GLRB: variants seen among roughly 807,000 people sequenced by gnomAD.
GLRB encodes the protein glycine receptor subunit beta.
A neutral mutation model predicts 54.2 loss-of-function variants in GLRB; 33 were observed. That is an observed-to-expected ratio of 0.61 (90% CI 0.46 to 0.81). The LOEUF is 0.81. GLRB is among the 40% of genes least tolerant of loss of function. The pLI, the probability that GLRB is intolerant of heterozygous loss-of-function variation, is 0.00. For synonymous variants in GLRB, 209 were observed against 208.2 expected (o/e 1.00, Z -0.03); for missense variants, 572 against 584.6 (o/e 0.98, Z 0.22).
chr4:157,130,135 T>C (rs1579223265), intron 4 of GLRB, among the ~76,000 whole-genome samples: 1 of 151,710 alleles, frequency 6.6e-6, no homozygotes, highest in Non-Finnish European at 1.5e-5. Context: ...ATGATTATTA[T>C]CCCTATCTTA....
At chr4:157,130,702 T>C (rs1191482738) in intron 4 of GLRB, among the ~76,000 whole-genome samples, 1 of 151,724 alleles carries the variant, frequency 6.6e-6, no homozygotes, top group Admixed American at 6.6e-5. Context: ...AATGTTGCTA[T>C]GAACATGGGT....
At chr4:157,129,439 A>G (rs1001743339) in intron 4 of GLRB, among the ~76,000 whole-genome samples, 1 of 151,808 alleles carries the variant, frequency 6.6e-6, no homozygotes, top group Non-Finnish European at 1.5e-5. Flanking sequence ...TAACCAAAAC[A>G]TGTAACTAAT....
chr4:157,144,925 AC>A (rs1416152545), intron 8 of GLRB, among the ~76,000 whole-genome samples: 3 of 152,194 alleles, frequency 2.0e-5, no homozygotes, highest in African/African-American at 7.2e-5. Flanking sequence ...TTGAAATCAC[AC>A]AGACCAAATT....
chr4:157,146,133 C>T (rs933067593), intron 8 of GLRB, among the ~76,000 whole-genome samples: 7 of 151,872 alleles, frequency 4.6e-5, no homozygotes, highest in African/African-American at 1.7e-4. Context: ...TCTCCTGCCT[C>T]AGCCTCCCGA....
intron 7 of GLRB, among the ~76,000 whole-genome samples, chr4:157,143,076 C>A (rs892573250): frequency 1.3e-5 from 2 of 152,030 alleles, no homozygotes; most frequent in Non-Finnish European, 2.9e-5. Flanking sequence ...GATGTCATGG[C>A]CACTCTAGAA....
chr4:157,101,173 G>A lies in GLRB; in HGVS notation c.123-19383G>A, dbSNP rs139852161. ...AAAATGCAGAAAATTACAGGTGATAGATGATATTAATCATTCATGGTATTA... is the reference window on the plus strand; with the variant it reads ...AAAATGCAGAAAATTACAGGTGATAAATGATATTAATCATTCATGGTATTA... On this transcript the variant is annotated intron_variant, in intron 2 of 9. Coordinates refer to ENST00000264428, the MANE Select transcript of GLRB (RefSeq NM_000824.5). Among the ~76,000 whole-genome samples the A allele has an allele frequency of 6.5e-3, 996 of 152,150 alleles. 2 individuals are homozygous for A. Among genetic ancestry groups the A allele is most frequent in the South Asian group, 0.02 (96 of 4,820 alleles).
At chr4:157,166,707 A>G (rs1424380245) in intron 9 of GLRB, among the ~76,000 whole-genome samples, 2 of 152,082 alleles carry the variant, frequency 1.3e-5, no homozygotes, top group East Asian at 3.9e-4. Flanking sequence ...AAAGACTTAA[A>G]TGGCTAGAAA....
intron 7 of GLRB, among the ~76,000 whole-genome samples, chr4:157,142,551 G>T (rs531260175): frequency 6.6e-6 from 1 of 152,090 alleles, no homozygotes; most frequent in Admixed American, 6.6e-5. Flanking sequence ...GTTTATTAAG[G>T]TCCTATTCTG....
chr4:157,136,286 A>C, intron 4 of GLRB, 183 bp from the exon 5 acceptor site: 1 of 592,432 alleles, frequency 1.7e-6, no homozygotes, highest in Non-Finnish European at 3.0e-6. Context: ...CATAGAGACA[A>C]GTGTCTTTAT....
At chr4:157,100,207 C>T (rs1579197406) in intron 2 of GLRB, among the ~76,000 whole-genome samples, 1 of 152,224 alleles carries the variant, frequency 6.6e-6, no homozygotes, top group Non-Finnish European at 1.5e-5. Context: ...AGGTAATGAA[C>T]ATCAGTTTAT....
intron 9 of GLRB, among the ~76,000 whole-genome samples, chr4:157,166,058 A>T (rs1046849474): frequency 6.6e-6 from 1 of 152,052 alleles, no homozygotes; most frequent in Non-Finnish European, 1.5e-5. Context: ...ATTTGTGTGG[A>T]ATGAAACTTA....
chr4:157,162,371 C>T (rs991057010), intron 9 of GLRB, among the ~76,000 whole-genome samples: 2 of 152,186 alleles, frequency 1.3e-5, no homozygotes, highest in African/African-American at 2.4e-5. Flanking sequence ...AGCTTTGTTC[C>T]GTTGCTGGCG....
At position 157,136,857 on chromosome 4, in the gene GLRB, C is replaced by T. The variant is rs1171813751; in HGVS notation, c.581C>T (p.Thr194Ile). 3 of 1,607,142 alleles carry T rather than the reference C, an allele frequency of 1.9e-6. No homozygotes were observed. The highest frequency in any genetic ancestry group is 1.7e-5 in the Admixed American group (1 of 59,986). Residue 194 changes from threonine to isoleucine, a missense_variant, in exon 6 of 10, where the codon ACA (threonine) becomes ATA (isoleucine). Coordinates refer to ENST00000264428, the MANE Select transcript of GLRB (RefSeq NM_000824.5). Reference protein sequence around the residue: ...PLDLTLFPMDTQRCKMQLESF... With the variant: ...PLDLTLFPMDIQRCKMQLESF... ...GACTTGACATTGTTTCCCATGGATACACAACGTTGCAAGATGCAACTGGAG... is the reference window on the plus strand; with the variant it reads ...GACTTGACATTGTTTCCCATGGATATACAACGTTGCAAGATGCAACTGGAG...
At position 157,152,968 on chromosome 4, in the gene GLRB, T is replaced by C; in HGVS notation, c.1155T>C (p.Thr385=). The change falls in exon 9 of 10, where the codon ACT becomes ACC. Residue 385 remains threonine, a synonymous_variant. Coordinates refer to ENST00000264428, the MANE Select transcript of GLRB (RefSeq NM_000824.5). ...GKGGNVAKKN[T]VNGTGTPVHI... is the part of the protein sequence containing the mutation. ...GTGGAAATGTGGCTAAAAAGAATAC[T>C]GTGAATGGAACAGGGACTCCTGTTC... 1.2e-6 allele frequency: 2 copies of C among 1,613,942 alleles called. No homozygotes were observed. The highest frequency in any genetic ancestry group is 1.7e-6 in the Non-Finnish European group (2 of 1,179,902).
chr4:157,164,013 A>G (rs1460995235), intron 9 of GLRB, among the ~76,000 whole-genome samples: 1 of 152,148 alleles, frequency 6.6e-6, no homozygotes, highest in Non-Finnish European at 1.5e-5. Context: ...ATAATTAAAT[A>G]GATTTATCAA....
intron 9 of GLRB, among the ~76,000 whole-genome samples, chr4:157,166,829 AAACAT>A (rs1297727388): frequency 2.0e-5 from 3 of 152,118 alleles, no homozygotes; most frequent in Non-Finnish European, 1.5e-5. Flanking sequence ...CTCTGTGAAT[AAACAT>A]AATATTCTAT....
intron 2 of GLRB, among the ~76,000 whole-genome samples, chr4:157,085,993 A>C (rs966416819): frequency 6.6e-6 from 1 of 152,004 alleles, no homozygotes. Flanking sequence ...TAGAGACAGG[A>C]TCTTACTCTG....
chr4:157,100,616 TAA>T (rs1470652702), intron 2 of GLRB, among the ~76,000 whole-genome samples: 1 of 152,146 alleles, frequency 6.6e-6, no homozygotes, highest in Non-Finnish European at 1.5e-5. Flanking sequence ...CACACAGAGG[TAA>T]AATGCTGGGG....
intron 4 of GLRB, among the ~76,000 whole-genome samples, chr4:157,136,122 A>C (rs1403677997): frequency 6.6e-6 from 1 of 152,182 alleles, no homozygotes; most frequent in South Asian, 2.1e-4. Flanking sequence ...GGGAAGAATG[A>C]TAGTAATACT....
Sources: allele counts gnomAD v4.1 joint callset (sites outside exome capture counted in the v4.1 genomes callset), GRCh38; gene constraint gnomAD v4.1.1; transcripts MANE v1.5; gene names NCBI Gene and HGNC (gene_info 2026-07-23, HGNC 2026-07-21).